NKIRAS1: variants seen among roughly 807,000 people sequenced by gnomAD.
NKIRAS1 encodes NFKB inhibitor interacting Ras like 1, also known as NF-kappa-B inhibitor-interacting Ras-like protein 1.
In NKIRAS1, 16 loss-of-function variants were observed where a neutral mutation model predicts 19.8. The observed-to-expected ratio is 0.81, with a 90% CI of 0.55 to 1.23. The LOEUF is 1.23. Ranked by LOEUF, NKIRAS1 falls within the 50% of genes most tolerant of loss-of-function variation. The probability of loss-of-function intolerance (pLI) is 0.00; values close to 1 mark genes in which losing one functional copy is unlikely to be tolerated. For synonymous variants in NKIRAS1, 88 were observed against 79.0 expected, an observed-to-expected ratio of 1.11 and a Z score of -0.61; for missense variants, 184 against 220.0, an observed-to-expected ratio of 0.84 and a Z score of 1.04.
intron 1 of NKIRAS1, among the ~76,000 whole-genome samples, chr3:23,945,769 G>C (rs1003617164): frequency 1.3e-5 from 2 of 150,200 alleles, no homozygotes; most frequent in Non-Finnish European, 3.0e-5. Context: ...GCCGCCCGGC[G>C]CCCGCCCTCT....
rs747152078 is a variant in NKIRAS1 at position 23,910,867 on chromosome 3, AACAATCC to A, written c.31_37del (p.Gly11TyrfsTer35). ...CAAAATTGCAGTTTTCCCCACAGAT[AACAATCC>A]ACAAACCACAACCTTGCAGCCCTTT... On this transcript the variant is annotated frameshift_variant, in exon 3 of 5. Coordinates refer to ENST00000425478, the MANE Select transcript of NKIRAS1 (RefSeq NM_020345.4). LOFTEE classifies it high-confidence loss of function. 2 of 1,614,170 alleles carry A rather than the reference AACAATCC, an allele frequency of 1.2e-6. No homozygotes were observed. Among genetic ancestry groups the A allele is most frequent in the Admixed American group, 1.7e-5 (1 of 60,026 alleles).
chr3:23,905,630 T>C (rs1263457342), intron 3 of NKIRAS1, among the ~76,000 whole-genome samples: 2 of 151,766 alleles, frequency 1.3e-5, no homozygotes, highest in Admixed American at 1.3e-4. Context: ...AACACAGATA[T>C]GAAGTAAAGG....
At chr3:23,900,078 C>G (rs1702359805) in intron 4 of NKIRAS1, among the ~76,000 whole-genome samples, 1 of 152,084 alleles carries the variant, frequency 6.6e-6, no homozygotes, top group Non-Finnish European at 1.5e-5. Context: ...AGCAGAATCC[C>G]TTGAACCTGG....
At chr3:23,920,918 G>A, upstream of NKIRAS1, 1 of 229,202 alleles carries the variant, frequency 4.4e-6, no homozygotes, top group Non-Finnish European at 7.2e-6. Flanking sequence ...GCCCTAACCA[G>A]CAAAAAGGCA....
chr3:23,903,299 T>C (rs942299950), intron 3 of NKIRAS1, among the ~76,000 whole-genome samples: 22 of 152,052 alleles, frequency 1.4e-4, no homozygotes, highest in Admixed American at 3.9e-4. Flanking sequence ...TTTTTTTGTA[T>C]AGATGGGGTT....
intron 1 of NKIRAS1, among the ~76,000 whole-genome samples, chr3:23,943,218 T>C (rs1201640224): frequency 1.3e-5 from 2 of 152,250 alleles, no homozygotes; most frequent in Non-Finnish European, 2.9e-5. Flanking sequence ...ATCTTTCTAC[T>C]GTCTCCAGTT....
upstream of NKIRAS1, chr3:23,917,733 G>A (rs901597373): frequency 3.8e-6 from 4 of 1,058,632 alleles, no homozygotes; most frequent in East Asian, 2.6e-5. Flanking sequence ...AGTTGGTGCA[G>A]AGCCATTTTC....
At chr3:23,917,882 A>G, upstream of NKIRAS1, 2 of 1,610,894 alleles carry the variant, frequency 1.2e-6, no homozygotes, top group South Asian at 2.2e-5. Flanking sequence ...AAGTACATCC[A>G]GGAGCTATGG....
rs184043917 is a variant in NKIRAS1 at position 23,926,111 on chromosome 3, C to A, written c.-139-14661G>T. ...TGTCGCCCAGGCTGGAGTGCAGTGG[C>A]ACAATCTTGGCTCACTGTAACCTCT... On this transcript the variant is annotated intron_variant, in intron 1 of 4. Coordinates refer to the NKIRAS1 transcript ENST00000421515. The surrounding 1 kb of genome is among the most constrained non-coding windows in gnomAD (Gnocchi z 4.3). Among the ~76,000 whole-genome samples, 1 of 152,080 alleles carries A rather than the reference C, an allele frequency of 6.6e-6. No individual in the cohort carries two copies. The highest frequency in any genetic ancestry group is 2.4e-5 in the African/African-American group (1 of 41,404).
rs561849691 is a variant in NKIRAS1, at chr3:23,946,030, G to GGCGC, written c.-140+289_-140+292dup. 86 of 845,202 alleles carry GGCGC rather than the reference G, an allele frequency of 1.0e-4. No individual in the cohort carries two copies. In the Admixed American group the frequency reaches 2.4e-3, roughly 23 times the overall value. 52.4% of individuals were successfully genotyped at this position (845,202 alleles called of 1,614,324 possible). On this transcript the variant is annotated intron_variant, in intron 1 of 4. Transcript: ENST00000421515. Reference sequence around the variant, plus strand: ...GGCCGCAGGGACACGTGGGGGCGGGGGCGCGCGCGCGCGCGCTGGCTGGGA... The same window carrying GGCGC: ...GGCCGCAGGGACACGTGGGGGCGGGGGCGCGCGCGCGCGCGCGCGCTGGCTGGGA...
chr3:23,941,597 G>A (rs1705498904), intron 1 of NKIRAS1, among the ~76,000 whole-genome samples: 1 of 152,154 alleles, frequency 6.6e-6, no homozygotes, highest in Non-Finnish European at 1.5e-5. Flanking sequence ...AGGCTCCTTG[G>A]AATGACAGCA....
intron 4 of NKIRAS1, among the ~76,000 whole-genome samples, chr3:23,897,865 G>C (rs1336688686): frequency 1.3e-5 from 2 of 152,208 alleles, no homozygotes; most frequent in Non-Finnish European, 2.9e-5. Flanking sequence ...GATATGGACT[G>C]TTTTGTTCTC....
chr3:23,891,827 T>C lies in NKIRAS1; in HGVS notation c.*1268A>G, dbSNP rs1263621006. ...GAAGGTACTTATTTAAAAATCATTA[T>C]GAAAGCATTTGTCCATCTATGTAAC... is the stretch of plus-strand genomic sequence containing the variant. On this transcript the variant is annotated 3_prime_UTR_variant, in exon 5 of 5. Transcript: ENST00000425478. 1 of 152,214 alleles carries C rather than the reference T, an allele frequency of 6.6e-6. No individual in the cohort carries two copies. The highest frequency in any genetic ancestry group is 1.5e-5 in the Non-Finnish European group (1 of 68,040). The allele number at this position is 152,214 out of a possible 1,614,324, so 9.4% of individuals were successfully genotyped here. A position where few individuals can be genotyped will look rare whatever the true frequency, so the allele number is the denominator to read the frequency against.
intron 1 of NKIRAS1, among the ~76,000 whole-genome samples, chr3:23,945,036 A>G (rs555498136): frequency 1.3e-5 from 2 of 151,492 alleles, no homozygotes; most frequent in South Asian, 2.1e-4. Flanking sequence ...GGAGGAGGGG[A>G]GGAATATGCG....
At chr3:23,909,372 C>T (rs970849921) in intron 3 of NKIRAS1, among the ~76,000 whole-genome samples, 14 of 152,044 alleles carry the variant, frequency 9.2e-5, no homozygotes, top group African/African-American at 3.4e-4. Context: ...AATAAAAATA[C>T]AAAAATTAGC....
At chr3:23,912,351 AC>A (rs1327345301) in intron 1 of NKIRAS1, among the ~76,000 whole-genome samples, 1 of 152,124 alleles carries the variant, frequency 6.6e-6, no homozygotes, top group Non-Finnish European at 1.5e-5. Flanking sequence ...TAAGAAAAAA[AC>A]AAACAACCCC....
chr3:23,903,886 C>T (rs528598631), intron 3 of NKIRAS1, among the ~76,000 whole-genome samples: 1 of 152,262 alleles, frequency 6.6e-6, no homozygotes, highest in South Asian at 2.1e-4. Context: ...ACAGACTGGC[C>T]AGGCTCGGGG....
chr3:23,910,983 T>C (rs1341697212), intron 2 of NKIRAS1, 62 bp from the exon 3 acceptor site: 2 of 1,242,382 alleles, frequency 1.6e-6, no homozygotes, highest in Admixed American at 1.9e-5. Flanking sequence ...TTTCTTTTTC[T>C]TTCAGTATTT....
rs899380466 is a variant in NKIRAS1 at position 23,909,854 on chromosome 3, GTTTT to G, written c.94+953_94+956del. The stretch of plus-strand genomic sequence containing the variant: ...ACAGCAGCTCTGCAAAGTTGTTTTT[GTTTT>G]TTTTTGTTTTTTTTTTTTTGAGATG... On this transcript the variant is annotated intron_variant, in intron 3 of 4. Coordinates refer to ENST00000425478, the MANE Select transcript of NKIRAS1 (RefSeq NM_020345.4). Among the ~76,000 whole-genome samples, 4 of 133,428 alleles carry G rather than the reference GTTTT, an allele frequency of 3.0e-5. 1 individual carries two copies. Among genetic ancestry groups the G allele is most frequent in the African/African-American group, 1.1e-4 (4 of 37,744 alleles). 87.5% of individuals were successfully genotyped at this position (133,428 alleles called of 152,430 possible). A position where few individuals can be genotyped will look rare whatever the true frequency, so the allele number is the denominator to read the frequency against.
Sources: gnomAD v4.1 joint callset for allele counts (sites outside exome capture counted in the v4.1 genomes callset) on GRCh38, gnomAD v4.1.1 for gene constraint, Gnocchi (gnomAD v3.1) non-coding constraint, MANE v1.5 for transcripts, NCBI Gene and HGNC (gene_info 2026-07-23, HGNC 2026-07-21) for gene names.